The following PARD3 variants were observed in gnomAD, a reference collection of about 807,000 sequenced individuals.
The protein encoded by PARD3 is par-3 family cell polarity regulator.
Under a neutral mutation model 155.4 loss-of-function variants are expected in PARD3, and 75 were observed. The observed-to-expected ratio is 0.48, with a 90% confidence interval of 0.40 to 0.58. The LOEUF (loss-of-function observed/expected upper bound fraction) is 0.58, where lower values mean the gene tolerates loss of function less well. Ranked by LOEUF, PARD3 falls within the 20% of genes least tolerant of loss-of-function variation. The pLI, the probability that PARD3 is intolerant of heterozygous loss-of-function variation, is 0.00. For missense variants in PARD3, 1,642 were observed against 1,721.7 expected (o/e 0.95, Z 0.82); for synonymous variants, 576 against 610.5 (o/e 0.94, Z 0.83).
At chr10:34,769,624 G>A (rs1838579265) in intron 1 of PARD3, among the ~76,000 whole-genome samples, 1 of 151,802 alleles carries the variant, frequency 6.6e-6, no homozygotes, top group Admixed American at 6.6e-5. Flanking sequence ...GGCACATAGT[G>A]GCACGTTCCT....
Position 34,795,814 on chromosome 10 carries a change from A to G in PARD3, c.120+19062T>C, listed in dbSNP as rs574461577. 8.1e-4 allele frequency among the ~76,000 whole-genome samples: 123 copies of G among 151,600 alleles called. 6 individuals carry two copies. In the South Asian group the frequency reaches 0.025, roughly 31 times the overall value. On this transcript the variant is annotated intron_variant, in intron 1 of 24. Coordinates refer to ENST00000374788, the MANE Select transcript of PARD3 (RefSeq NM_001184785.2). ...GAGGCTGAGGCAGGAGAATCGCTTG[A>G]ACCCATGAGGTGGAGGTTGTAGTGA...
At chr10:34,330,755 C>T (rs910246392) in intron 19 of PARD3, among the ~76,000 whole-genome samples, 6 of 152,094 alleles carry the variant, frequency 3.9e-5, no homozygotes, top group Non-Finnish European at 7.4e-5. Flanking sequence ...ACAGAAATTA[C>T]ATTTTTTACC....
intron 2 of PARD3, among the ~76,000 whole-genome samples, chr10:34,626,352 C>A (rs1331828249): frequency 6.6e-6 from 1 of 152,144 alleles, no homozygotes; most frequent in Non-Finnish European, 1.5e-5. Flanking sequence ...TCTCTCTCCC[C>A]CCTCCTCTCT....
chr10:34,118,221 T>C (rs971154772), intron 24 of PARD3, among the ~76,000 whole-genome samples: 3 of 152,166 alleles, frequency 2.0e-5, no homozygotes, highest in Non-Finnish European at 4.4e-5. Flanking sequence ...AACAACTGAA[T>C]GAATAAACTG....
At chr10:34,730,704 T>G (rs1050656762) in intron 1 of PARD3, among the ~76,000 whole-genome samples, 21 of 152,192 alleles carry the variant, frequency 1.4e-4, no homozygotes, top group Non-Finnish European at 1.2e-4. Context: ...GGAGGCTCAC[T>G]TGGGCACAGG....
chr10:34,343,778 A>G (rs1837090197), intron 15 of PARD3: 1 of 984,536 alleles, frequency 1.0e-6, no homozygotes, highest in Non-Finnish European at 1.2e-6. Context: ...TCTGATAGGT[A>G]AACTTTCCTC....
intron 22 of PARD3, among the ~76,000 whole-genome samples, chr10:34,152,666 G>GT (rs898579227): frequency 2.6e-5 from 4 of 152,194 alleles, no homozygotes; most frequent in Non-Finnish European, 4.4e-5. Flanking sequence ...AATACTTTAT[G>GT]TTTTTTTCAA....
At chr10:34,781,398 G>C (rs1840220485) in intron 1 of PARD3, among the ~76,000 whole-genome samples, 1 of 152,148 alleles carries the variant, frequency 6.6e-6, no homozygotes, top group Admixed American at 6.5e-5. Context: ...GGTTTCTGGT[G>C]GTTTCCACAT....
At position 34,382,939 on chromosome 10, in the gene PARD3, A is replaced by G. The variant is rs200752413; in HGVS notation, c.1017-17T>C. On this transcript the variant is annotated splice_polypyrimidine_tract_variant and intron_variant, in intron 8 of 24. Coordinates refer to ENST00000374788, the MANE Select transcript of PARD3 (RefSeq NM_001184785.2). ...TGTTGTGCTCTGGGTTTGAGAAAGAATAGAAAATTAGCAAATTAAGACTGG... is the reference window on the plus strand; with the variant it reads ...TGTTGTGCTCTGGGTTTGAGAAAGAGTAGAAAATTAGCAAATTAAGACTGG... The G allele has an allele frequency of 6.2e-7, 1 of 1,611,314 alleles. No homozygotes were observed. Among genetic ancestry groups the G allele is most frequent in the East Asian group, 2.2e-5 (1 of 44,874 alleles).
intron 22 of PARD3, among the ~76,000 whole-genome samples, chr10:34,205,090 T>C (rs1428296915): frequency 6.6e-6 from 1 of 152,184 alleles, no homozygotes; most frequent in Non-Finnish European, 1.5e-5. Flanking sequence ...AACCTTTGCA[T>C]CATAAGCACA....
intron 20 of PARD3, among the ~76,000 whole-genome samples, chr10:34,304,595 GGA>G (rs1199396404): frequency 3.3e-5 from 5 of 152,182 alleles, no homozygotes; most frequent in African/African-American, 1.2e-4. Context: ...AGATGGTGCA[GGA>G]GAGTGTTAGG....
intron 3 of PARD3, among the ~76,000 whole-genome samples, chr10:34,485,435 A>G (rs938087430): frequency 6.6e-6 from 1 of 152,198 alleles, no homozygotes; most frequent in African/African-American, 2.4e-5. Flanking sequence ...GATTTGTTAC[A>G]GCTTGATTTT....
intron 12 of PARD3, among the ~76,000 whole-genome samples, chr10:34,360,955 T>TA (rs898930047): frequency 6.6e-6 from 1 of 152,170 alleles, no homozygotes; most frequent in Non-Finnish European, 1.5e-5. Flanking sequence ...CTTTTTAAAA[T>TA]AAAAAACATT....
chr10:34,356,059 G>A (rs375713032), intron 14 of PARD3, among the ~76,000 whole-genome samples: 1 of 152,044 alleles, frequency 6.6e-6, no homozygotes, highest in South Asian at 2.1e-4. Flanking sequence ...CCGGAGTAGG[G>A]TAGCAGAAAA....
intron 20 of PARD3, among the ~76,000 whole-genome samples, chr10:34,296,923 A>C (rs987164592): frequency 2.0e-5 from 3 of 152,126 alleles, no homozygotes; most frequent in African/African-American, 7.2e-5. Flanking sequence ...CAAAGAGCAA[A>C]ACCATCTCTT....
intron 3 of PARD3, among the ~76,000 whole-genome samples, chr10:34,507,993 G>A (rs1794392274): frequency 6.6e-6 from 1 of 152,160 alleles, no homozygotes. Context: ...ACCAGCAAAT[G>A]TTAGAAGGAC....
intron 21 of PARD3, among the ~76,000 whole-genome samples, chr10:34,279,245 G>A (rs1399419891): frequency 6.7e-6 from 1 of 149,864 alleles, no homozygotes; most frequent in Admixed American, 6.6e-5. Context: ...GAACTCCTGG[G>A]CTGAAGTGAT....
At chr10:34,813,442 T>C (rs902876898) in intron 1 of PARD3, among the ~76,000 whole-genome samples, 1 of 152,154 alleles carries the variant, frequency 6.6e-6, no homozygotes, top group African/African-American at 2.4e-5. Context: ...ATTTAGATGG[T>C]TTTCTTTCCC....
intron 2 of PARD3, among the ~76,000 whole-genome samples, chr10:34,606,505 A>G (rs994525755): frequency 8.6e-5 from 13 of 152,010 alleles, no homozygotes; most frequent in African/African-American, 3.1e-4. Flanking sequence ...CATTTTTATA[A>G]AAGTTGGAGC....
Sources: allele counts gnomAD v4.1 joint callset (sites outside exome capture counted in the v4.1 genomes callset), GRCh38; gene constraint gnomAD v4.1.1; transcripts MANE v1.5; gene names NCBI Gene and HGNC (gene_info 2026-07-23, HGNC 2026-07-21).